The following FOXK2 variants were observed in gnomAD, a reference collection of about 807,000 sequenced individuals.
FOXK2 encodes the protein forkhead box protein K2.
FOXK2 carries 24 observed loss-of-function variants against 53.3 expected under a neutral mutation model. The observed-to-expected ratio is 0.45, with a 90% CI of 0.33 to 0.63. The LOEUF is 0.63. Ranked by LOEUF, FOXK2 falls within the 30% of genes least tolerant of loss-of-function variation. The probability of loss-of-function intolerance (pLI) is 0.03; values close to 1 mark genes in which losing one functional copy is unlikely to be tolerated. For synonymous variants in FOXK2, 505 were observed against 407.1 expected (o/e 1.24, Z -2.89); for missense variants, 952 against 910.5 (o/e 1.05, Z -0.59).
Position 82,519,976 on chromosome 17 carries a change from T to G in FOXK2, c.88T>G (p.Ser30Ala), listed in dbSNP as rs1004399204. The part of the protein sequence containing the change: ...AGGGGAGGGG[S>A]PPGGWAVARL... ...GGGCGGCGGGGCCGGGGGCGGCGGGTCCCCGCCGGGCGGCTGGGCCGTGGC... is the reference window on the plus strand; with the variant it reads ...GGGCGGCGGGGCCGGGGGCGGCGGGGCCCCGCCGGGCGGCTGGGCCGTGGC... The change falls in exon 1 of 9, where the codon TCC becomes GCC. Residue 30 changes from serine (S) to alanine (A), a missense_variant. Transcript: ENST00000335255. The G allele has an allele frequency of 1.6e-6, 2 of 1,245,158 alleles. No individual in the cohort carries two copies. Among genetic ancestry groups the G allele is most frequent in the South Asian group, 2.4e-5 (1 of 41,250 alleles). The allele number at this position is 1,245,158 out of a possible 1,614,324, so 77.1% of individuals were successfully genotyped here. A position where few individuals can be genotyped will look rare whatever the true frequency, so the allele number is the denominator to read the frequency against.
rs576862943 is a variant in FOXK2, at chr17:82,587,279, C to T, written c.1786+7C>T. 2.6e-5 allele frequency: 42 copies of T among 1,610,882 alleles called. No individual in the cohort carries two copies. Among genetic ancestry groups the T allele is most frequent in the East Asian group, 1.3e-4 (6 of 44,878 alleles). ...CACGGCCAGGTGAACAATGGTAAGA[C>T]ATGCTGGTCGGTGGCTCCCCGTGGC... On this transcript the variant is annotated splice_region_variant and intron_variant, in intron 8 of 8. Transcript: ENST00000335255.
intron 2 of FOXK2, among the ~76,000 whole-genome samples, chr17:82,565,300 CAAAAG>C (rs1336332402): frequency 1.3e-5 from 2 of 151,958 alleles, no homozygotes; most frequent in Non-Finnish European, 2.9e-5. Context: ...GCACAGGCAA[CAAAAG>C]AAAAAGACAA....
chr17:82,556,602 T>G (rs1365611594), intron 1 of FOXK2, among the ~76,000 whole-genome samples: 1 of 152,058 alleles, frequency 6.6e-6, no homozygotes, highest in Non-Finnish European at 1.5e-5. Context: ...GGGCTTGTTC[T>G]GTGGCAGCCA....
At chr17:82,595,123 A>C (rs928109743) in intron 8 of FOXK2, among the ~76,000 whole-genome samples, 6 of 152,204 alleles carry the variant, frequency 3.9e-5, no homozygotes, top group African/African-American at 1.4e-4. Context: ...AGTTCTAACC[A>C]TGGGGGCAAC....
At chr17:82,534,919 C>T (rs375103523) in intron 1 of FOXK2, among the ~76,000 whole-genome samples, 100 of 152,330 alleles carry the variant, frequency 6.6e-4, no homozygotes, top group African/African-American at 2.1e-3. Context: ...CTTGCTCTGT[C>T]GCCCAGCTGG....
Position 82,603,546 on chromosome 17 carries a change from GTA to G in FOXK2, c.*2049_*2050del, listed in dbSNP as rs1023669443. On this transcript the variant is annotated 3_prime_UTR_variant, in exon 9 of 9. Transcript: ENST00000335255. ...CTTGGAGACGTTTTTATGCAGCTGT[GTA>G]TGTTACTATCCAGAAGGAGTCGGGG... 3 of 152,194 alleles carry G rather than the reference GTA, an allele frequency of 2.0e-5. No homozygotes were observed. The highest frequency in any genetic ancestry group is 7.2e-5 in the African/African-American group (3 of 41,454). 9.4% of individuals were successfully genotyped at this position (152,194 alleles called of 1,614,324 possible). A position where few individuals can be genotyped will look rare whatever the true frequency, so the allele number is the denominator to read the frequency against.
chr17:82,554,910 T>C (rs1018642683), intron 1 of FOXK2, among the ~76,000 whole-genome samples: 7 of 151,964 alleles, frequency 4.6e-5, no homozygotes, highest in African/African-American at 1.7e-4. Flanking sequence ...CATGCCCGAC[T>C]AATTTTTTTT....
At chr17:82,548,398 A>G (rs144729920) in intron 1 of FOXK2, among the ~76,000 whole-genome samples, 48 of 152,040 alleles carry the variant, frequency 3.2e-4, no homozygotes, top group African/African-American at 1.1e-3. Context: ...CCGTGGTTTA[A>G]TTTGCCTTGC....
rs145353578 is a variant in FOXK2, at chr17:82,601,862, C to T, written c.*363C>T. 2.0e-5 allele frequency: 4 copies of T among 196,592 alleles called. No homozygotes were observed. The highest frequency in any genetic ancestry group is 1.4e-4 in the South Asian group (1 of 7,250). The allele number at this position is 196,592 out of a possible 1,614,324, so 12.2% of individuals were successfully genotyped here. The stretch of plus-strand genomic sequence containing the variant: ...ACTAGGCCTCAGGACGCGGGGGGAG[C>T]CATCCCCGCCGCCCTCACAGGACCC... On this transcript the variant is annotated 3_prime_UTR_variant, in exon 9 of 9. Transcript: ENST00000335255.
At chr17:82,555,801 T>A (rs1027353497) in intron 1 of FOXK2, among the ~76,000 whole-genome samples, 23 of 137,942 alleles carry the variant, frequency 1.7e-4, no homozygotes, top group Admixed American at 2.4e-4. Context: ...GGCAGGAGAA[T>A]GGCGTGAACC....
At chr17:82,583,198 C>G (rs2045085148) in intron 5 of FOXK2, among the ~76,000 whole-genome samples, 1 of 152,242 alleles carries the variant, frequency 6.6e-6, no homozygotes, top group African/African-American at 2.4e-5. Context: ...GTTGTTCATA[C>G]CAGTGCCACG....
intron 8 of FOXK2, among the ~76,000 whole-genome samples, chr17:82,591,137 G>T (rs1344922423): frequency 2.6e-5 from 4 of 152,194 alleles, no homozygotes; most frequent in South Asian, 2.1e-4. Context: ...GGCCTTGCAG[G>T]ACAGCAGGTG....
rs780740991 is a variant in FOXK2 at position 82,528,622 on chromosome 17, A to G, written c.419+8315A>G. Among the ~76,000 whole-genome samples the G allele has an allele frequency of 1.0e-3, 155 of 152,306 alleles. 1 individual carries two copies. Among genetic ancestry groups the G allele is most frequent in the Non-Finnish European group, 1.0e-3 (71 of 68,030 alleles). On this transcript the variant is annotated intron_variant, in intron 1 of 8. Transcript: ENST00000335255. The stretch of plus-strand genomic sequence containing the variant: ...TGAAGCGGGCTTTGAGCACGGAACA[A>G]GGTGTTACAGCTGTACCTAGGAAGT...
At position 82,587,056 on chromosome 17, in the gene FOXK2, A is replaced by G. The variant is rs557280408; in HGVS notation, c.1577-7A>G. ...TATTAATGTCGTTTCTTTTCCTTTA[A>G]TTTCAGTGAAAGTAGAGCCTATTCC... On this transcript the variant is annotated splice_polypyrimidine_tract_variant and splice_region_variant and intron_variant, in intron 7 of 8. Transcript: ENST00000335255. 1 of 1,611,690 alleles carries G rather than the reference A, an allele frequency of 6.2e-7. No individual in the cohort carries two copies. Among genetic ancestry groups the G allele is most frequent in the Non-Finnish European group, 8.5e-7 (1 of 1,179,450 alleles).
At chr17:82,596,834 C>T (rs184257617) in intron 8 of FOXK2, among the ~76,000 whole-genome samples, 1 of 152,186 alleles carries the variant, frequency 6.6e-6, no homozygotes, top group African/African-American at 2.4e-5. Flanking sequence ...CAGACCACCC[C>T]CTCCCCATCT....
intron 3 of FOXK2, 49 bp downstream of exon 3, chr17:82,568,250 C>T (rs1001840092): frequency 6.2e-6 from 10 of 1,601,122 alleles, no homozygotes; most frequent in African/African-American, 2.7e-5. Context: ...AGTGTGTAGC[C>T]ACAGGGCCCT....
intron 4 of FOXK2, among the ~76,000 whole-genome samples, chr17:82,575,550 A>G (rs542916825): frequency 1.3e-3 from 197 of 152,352 alleles, no homozygotes; most frequent in African/African-American, 4.5e-3. Context: ...ATAAAAATAT[A>G]TATTTTTAAA....
intron 8 of FOXK2, 192 bp downstream of exon 8, chr17:82,587,464 G>C: frequency 1.6e-6 from 1 of 607,804 alleles, no homozygotes; most frequent in Non-Finnish European, 2.9e-6. Flanking sequence ...GATTCCCGTG[G>C]GAGGACCTGC....
chr17:82,552,166 A>G (rs567230429), intron 1 of FOXK2, among the ~76,000 whole-genome samples: 4 of 152,358 alleles, frequency 2.6e-5, no homozygotes, highest in Admixed American at 1.3e-4. Context: ...TGAGGTTTGC[A>G]TTGGACATGT....
Sources: gnomAD v4.1 joint callset for allele counts (sites outside exome capture counted in the v4.1 genomes callset) on GRCh38, gnomAD v4.1.1 for gene constraint, MANE v1.5 for transcripts, NCBI Gene and HGNC (gene_info 2026-07-23, HGNC 2026-07-21) for gene names.